The following NHSL1 variants were observed in gnomAD, a reference collection of about 807,000 sequenced individuals.
The protein encoded by NHSL1 is NHS like 1, also known as NHS-like protein 1.
A neutral mutation model predicts 95.0 loss-of-function variants in NHSL1; 48 were observed. That is an observed-to-expected ratio of 0.51 (90% CI 0.40 to 0.64). The LOEUF (loss-of-function observed/expected upper bound fraction) is 0.64, where lower values mean the gene tolerates loss of function less well. NHSL1 is among the 30% of genes least tolerant of loss of function. The probability of loss-of-function intolerance (pLI) is 0.00; values close to 1 mark genes in which losing one functional copy is unlikely to be tolerated. For synonymous variants in NHSL1, 783 were observed against 833.9 expected, an observed-to-expected ratio of 0.94 and a Z score of 1.05; for missense variants, 1,971 against 2,077.7, an observed-to-expected ratio of 0.95 and a Z score of 1.00.
intron 1 of NHSL1, among the ~76,000 whole-genome samples, chr6:138,578,482 A>G (rs1264702796): frequency 6.6e-6 from 1 of 152,202 alleles, no homozygotes; most frequent in Non-Finnish European, 1.5e-5. Flanking sequence ...CCCCAACCTA[A>G]GGAGTTCAGA....
chr6:138,429,871 A>AC (rs1583135947), intron 6 of NHSL1, 28 bp from the exon 7 acceptor site: 2 of 1,540,064 alleles, frequency 1.3e-6, no homozygotes, highest in Non-Finnish European at 1.8e-6. Context: ...GGCATACAAG[A>AC]CGCACAAGTG....
intron 1 of NHSL1, among the ~76,000 whole-genome samples, chr6:138,667,865 C>A (rs940255589): frequency 6.6e-6 from 1 of 152,204 alleles, no homozygotes; most frequent in African/African-American, 2.4e-5. Context: ...TATGTACCAA[C>A]TGCTAACGGT....
intron 1 of NHSL1, among the ~76,000 whole-genome samples, chr6:138,651,927 A>T (rs1785098109): frequency 6.6e-6 from 1 of 152,204 alleles, no homozygotes; most frequent in Non-Finnish European, 1.5e-5. Flanking sequence ...CTAAATTTAA[A>T]GTAACACAAT....
chr6:138,585,658 A>T (rs146037153), intron 1 of NHSL1, among the ~76,000 whole-genome samples: 1 of 152,326 alleles, frequency 6.6e-6, no homozygotes, highest in Admixed American at 6.5e-5. Flanking sequence ...TGAACACAGA[A>T]GAAAAATACC....
chr6:138,504,287 G>C (rs1286854739), upstream of NHSL1, among the ~76,000 whole-genome samples: 1 of 152,166 alleles, frequency 6.6e-6, no homozygotes, highest in Non-Finnish European at 1.5e-5. Context: ...TCGCTGCCTT[G>C]TGTTAGGTGT....
rs148189150 is a variant in NHSL1 at position 138,486,093 on chromosome 6, C to T, written c.211+10126G>A. 1.7e-3 allele frequency among the ~76,000 whole-genome samples: 260 copies of T among 152,280 alleles called. 1 individual carries two copies. Among genetic ancestry groups the T allele is most frequent in the African/African-American group, 5.8e-3 (243 of 41,556 alleles). On this transcript the variant is annotated intron_variant, in intron 2 of 7. Coordinates refer to ENST00000343505, the MANE Select transcript of NHSL1 (RefSeq NM_001144060.2). ...CCTCCGCTTTGCCCTGAGTTGACTGCCTCCTTCCTGCTTCTTCAGAGAACA... is the reference window on the plus strand; with the variant it reads ...CCTCCGCTTTGCCCTGAGTTGACTGTCTCCTTCCTGCTTCTTCAGAGAACA...
At chr6:138,486,456 T>C (rs1779733919) in intron 2 of NHSL1, among the ~76,000 whole-genome samples, 1 of 152,112 alleles carries the variant, frequency 6.6e-6, no homozygotes, top group Non-Finnish European at 1.5e-5. Context: ...TTTCTTACAA[T>C]GACTCTCTCC....
At chr6:138,617,795 G>A (rs1203075492) in intron 1 of NHSL1, among the ~76,000 whole-genome samples, 1 of 152,216 alleles carries the variant, frequency 6.6e-6, no homozygotes, top group Admixed American at 6.5e-5. Flanking sequence ...CCCATGGAAC[G>A]ATGTGTGTCC....
chr6:138,552,833 C>G (rs1401738748), intron 1 of NHSL1, among the ~76,000 whole-genome samples: 1 of 152,180 alleles, frequency 6.6e-6, no homozygotes, highest in Non-Finnish European at 1.5e-5. Flanking sequence ...ACAGTGACAC[C>G]TCATGAGCAA....
chr6:138,660,330 T>C (rs1453142152), intron 1 of NHSL1, among the ~76,000 whole-genome samples: 3 of 152,196 alleles, frequency 2.0e-5, no homozygotes, highest in Admixed American at 6.5e-5. Context: ...GGTTGACATG[T>C]GTCTCAGTAC....
intron 2 of NHSL1, among the ~76,000 whole-genome samples, chr6:138,476,861 A>T (rs1251764326): frequency 6.6e-6 from 1 of 151,052 alleles, no homozygotes; most frequent in South Asian, 2.1e-4. Context: ...ATTGGGTACA[A>T]TGTTCATTGT....
chr6:138,521,081 A>G (rs1486146540), intron 1 of NHSL1, among the ~76,000 whole-genome samples: 6 of 152,220 alleles, frequency 3.9e-5, no homozygotes, highest in African/African-American at 1.4e-4. Context: ...TTTCTGCACA[A>G]GTGCACACCT....
chr6:138,433,169 A>C lies in NHSL1; in HGVS notation c.1176T>G (p.Ser392Arg). 6.4e-7 allele frequency: 1 copy of C among 1,550,862 alleles called. No individual in the cohort carries two copies. The highest frequency in any genetic ancestry group is 8.7e-7 in the Non-Finnish European group (1 of 1,146,782). The change falls in exon 6 of 8, where the codon AGT (serine) becomes AGG (arginine). Residue 392 changes from serine (S) to arginine (R), a missense_variant. Ser to Arg is a moderately radical substitution (Grantham distance 110). Coordinates refer to ENST00000343505, the MANE Select transcript of NHSL1 (RefSeq NM_001144060.2). ...CACACGCTGGGCTCATTATATTTTC[A>C]CTCTCGAAGTGTCTCAACTCCTGGG... ...PKSQELRHFE[S>R]ENIMSPACVV... is the part of the protein sequence containing the mutation.
chr6:138,599,624 C>T (rs746978636), intron 1 of NHSL1, among the ~76,000 whole-genome samples: 7 of 152,138 alleles, frequency 4.6e-5, no homozygotes, highest in Non-Finnish European at 1.0e-4. Context: ...AACCCAGATA[C>T]ACAAGAAACT....
intron 1 of NHSL1, among the ~76,000 whole-genome samples, chr6:138,670,746 A>G (rs931230069): frequency 3.9e-5 from 6 of 152,092 alleles, no homozygotes; most frequent in Non-Finnish European, 7.4e-5. Context: ...TAAAAGCAGG[A>G]TGTTATATAA....
At chr6:138,526,093 C>CAAA (rs10681744) in intron 1 of NHSL1, among the ~76,000 whole-genome samples, 83 of 109,850 alleles carry the variant, frequency 7.6e-4, no homozygotes, top group African/African-American at 2.0e-3. Context: ...ACTCTGTCTC[C>CAAA]AAAAAAAAAA....
upstream of NHSL1, among the ~76,000 whole-genome samples, chr6:138,576,666 C>T (rs1783977068): frequency 6.6e-6 from 1 of 152,206 alleles, no homozygotes; most frequent in South Asian, 2.1e-4. Context: ...GGCAGAGCCT[C>T]TGTGGAAGGG....
intron 1 of NHSL1, among the ~76,000 whole-genome samples, chr6:138,594,629 G>A (rs1174556312): frequency 6.6e-6 from 1 of 152,008 alleles, no homozygotes; most frequent in Non-Finnish European, 1.5e-5. Context: ...AGCACCGAGA[G>A]CTGAAAACCA....
intron 3 of NHSL1, among the ~76,000 whole-genome samples, chr6:138,453,061 G>A (rs1480643168): frequency 6.6e-5 from 10 of 151,682 alleles, no homozygotes; most frequent in Non-Finnish European, 1.3e-4. Flanking sequence ...CTGCATCTCC[G>A]CCTCCCAGGT....
Sources: gnomAD v4.1 joint callset for allele counts (sites outside exome capture counted in the v4.1 genomes callset) on GRCh38, gnomAD v4.1.1 for gene constraint, MANE v1.5 for transcripts, NCBI Gene and HGNC (gene_info 2026-07-23, HGNC 2026-07-21) for gene names.